Variants in TRPC6 observed in about 807,000 individuals in gnomAD.
TRPC6 encodes the protein short transient receptor potential channel 6.
In TRPC6, 55 loss-of-function variants were observed where a neutral mutation model predicts 90.7. The ratio of observed to expected loss-of-function variants is 0.61; its 90% CI spans 0.49 to 0.76. The LOEUF is 0.76. Ranked by LOEUF, TRPC6 falls within the 30% of genes least tolerant of loss-of-function variation. The pLI, the probability that TRPC6 is intolerant of heterozygous loss-of-function variation, is 0.00. For missense variants in TRPC6, 989 were observed against 1,122.7 expected (o/e 0.88, Z 1.70); for synonymous variants, 393 against 393.0 (o/e 1.00, Z 0.00).
At chr11:101,553,681 A>G (rs1002609935) in intron 1 of TRPC6, among the ~76,000 whole-genome samples, 1 of 152,246 alleles carries the variant, frequency 6.6e-6, no homozygotes, top group South Asian at 2.1e-4. Context: ...CATACACTGG[A>G]TCACATTCAC....
intron 1 of TRPC6, among the ~76,000 whole-genome samples, chr11:101,561,305 C>T (rs1861706344): frequency 6.6e-6 from 1 of 152,086 alleles, no homozygotes; most frequent in South Asian, 2.1e-4. Context: ...CAAGTACTGT[C>T]CTCCTTCTCA....
At chr11:101,534,113 TCCTCCCTTC>T (rs1860977933) in intron 1 of TRPC6, among the ~76,000 whole-genome samples, 1 of 152,086 alleles carries the variant, frequency 6.6e-6, no homozygotes. Context: ...CCCGATTCCT[TCCTCCCTTC>T]CCTCCCTTCC....
At chr11:101,565,816 A>G (rs1333326397) in intron 1 of TRPC6, among the ~76,000 whole-genome samples, 1 of 152,142 alleles carries the variant, frequency 6.6e-6, no homozygotes, top group Non-Finnish European at 1.5e-5. Context: ...GTTCTTGGAT[A>G]AATACACAGT....
intron 1 of TRPC6, among the ~76,000 whole-genome samples, chr11:101,570,792 T>G (rs533554415): frequency 1.3e-5 from 2 of 152,308 alleles, no homozygotes; most frequent in African/African-American, 4.8e-5. Flanking sequence ...TCTCAATAGA[T>G]GCAGAAAAGG....
At chr11:101,573,438 C>A (rs1862007030) in intron 1 of TRPC6, among the ~76,000 whole-genome samples, 1 of 152,146 alleles carries the variant, frequency 6.6e-6, no homozygotes, top group Non-Finnish European at 1.5e-5. Flanking sequence ...TCTTTTTCTG[C>A]ATTTACAAGT....
chr11:101,544,257 T>G lies in TRPC6; in HGVS notation c.170+39077A>C, dbSNP rs573909466. ...AGATGCTGGAGAGGATATGGAGAAA[T>G]AGGAACCCTCTTACACTGTTGGTGG... On this transcript the variant is annotated intron_variant, in intron 1 of 12. Transcript: ENST00000344327. Among the ~76,000 whole-genome samples, 32 of 152,234 alleles carry G rather than the reference T, an allele frequency of 2.1e-4. No individual in the cohort carries two copies. The East Asian group carries it at 6.0e-3, about 28-fold the overall frequency.
chr11:101,556,440 A>G (rs1334648603), intron 1 of TRPC6, among the ~76,000 whole-genome samples: 1 of 152,194 alleles, frequency 6.6e-6, no homozygotes, highest in African/African-American at 2.4e-5. Flanking sequence ...ATTATATGCC[A>G]ACAAATTGGA....
intron 4 of TRPC6, 66 bp downstream of exon 4, chr11:101,488,871 T>C: frequency 6.3e-7 from 1 of 1,581,244 alleles, no homozygotes; most frequent in Non-Finnish European, 8.7e-7. Flanking sequence ...ACTTTGGAGA[T>C]AAGATTTTTC....
intron 1 of TRPC6, among the ~76,000 whole-genome samples, chr11:101,529,887 G>A (rs1184934167): frequency 6.6e-6 from 1 of 152,206 alleles, no homozygotes; most frequent in African/African-American, 2.4e-5. Context: ...ACACTTGGGT[G>A]GCAATTTTGC....
chr11:101,483,171 A>T lies in TRPC6; in HGVS notation c.1294-6T>A. 6.2e-7 allele frequency: 1 copy of T among 1,613,932 alleles called. No individual in the cohort carries two copies. ...CCACGCATTATCTTCCCCATCTGCCACAACACACACCAAAATAAAATCTTA... is the reference window on the plus strand; with the variant it reads ...CCACGCATTATCTTCCCCATCTGCCTCAACACACACCAAAATAAAATCTTA... On this transcript the variant is annotated splice_region_variant and splice_polypyrimidine_tract_variant and intron_variant, in intron 4 of 12. Coordinates refer to ENST00000344327, the MANE Select transcript of TRPC6 (RefSeq NM_004621.6).
chr11:101,471,437 C>A, intron 8 of TRPC6, 51 bp from the exon 9 acceptor site: 1 of 1,585,102 alleles, frequency 6.3e-7, no homozygotes, highest in Non-Finnish European at 8.7e-7. Context: ...AACAGAATTA[C>A]TGGGATGCTT....
intron 1 of TRPC6, among the ~76,000 whole-genome samples, chr11:101,521,357 G>A (rs1312881315): frequency 6.6e-6 from 1 of 152,196 alleles, no homozygotes; most frequent in Admixed American, 6.5e-5. Flanking sequence ...AGCCTTGGTG[G>A]CTTCCATGTC....
intron 10 of TRPC6, among the ~76,000 whole-genome samples, chr11:101,466,999 C>A (rs1488937493): frequency 6.6e-6 from 1 of 152,146 alleles, no homozygotes; most frequent in Non-Finnish European, 1.5e-5. Flanking sequence ...CCTTGCGATG[C>A]CCCACCCTGC....
chr11:101,491,904 A>C (rs535505471), intron 2 of TRPC6, among the ~76,000 whole-genome samples, 166 bp from the exon 3 acceptor site: 1 of 140,384 alleles, frequency 7.1e-6, no homozygotes, highest in Non-Finnish European at 1.5e-5. Flanking sequence ...GCAGTGGCAC[A>C]ATCTTGGCTC....
intron 1 of TRPC6, among the ~76,000 whole-genome samples, chr11:101,539,783 A>G (rs899974950): frequency 6.6e-6 from 1 of 152,198 alleles, no homozygotes; most frequent in Non-Finnish European, 1.5e-5. Flanking sequence ...ATTTAGTAAT[A>G]AGTTTCTGCA....
chr11:101,549,105 G>C (rs1320774478), intron 1 of TRPC6, among the ~76,000 whole-genome samples: 1 of 151,780 alleles, frequency 6.6e-6, no homozygotes, highest in African/African-American at 2.4e-5. Flanking sequence ...GTACAGATCA[G>C]AACAAAGGCC....
chr11:101,571,818 T>C (rs544050508), intron 1 of TRPC6, among the ~76,000 whole-genome samples: 2 of 152,310 alleles, frequency 1.3e-5, no homozygotes, highest in Admixed American at 6.5e-5. Context: ...GCTAGCCATA[T>C]GCAGAAAACT....
intron 1 of TRPC6, among the ~76,000 whole-genome samples, chr11:101,545,038 A>G (rs1211301678): frequency 1.3e-5 from 2 of 152,112 alleles, no homozygotes; most frequent in African/African-American, 4.8e-5. Flanking sequence ...CTAGCCTTTA[A>G]GTATGAGACT....
At chr11:101,482,913 T>C in intron 5 of TRPC6, 36 bp downstream of exon 5, 1 of 1,607,542 alleles carries the variant, frequency 6.2e-7, no homozygotes, top group Admixed American at 1.7e-5. Flanking sequence ...CTGCTAAGAC[T>C]GCAAACAGAA....
Sources: gnomAD v4.1 joint callset for allele counts (sites outside exome capture counted in the v4.1 genomes callset) on GRCh38, gnomAD v4.1.1 for gene constraint, MANE v1.5 for transcripts, NCBI Gene and HGNC (gene_info 2026-07-23, HGNC 2026-07-21) for gene names.